Variants in PLEK observed in about 807,000 individuals in gnomAD.
PLEK encodes the protein pleckstrin.
A neutral mutation model predicts 43.9 loss-of-function variants in PLEK; 25 were observed. The observed-to-expected ratio is 0.57, with a 90% CI of 0.41 to 0.79. PLEK has a LOEUF of 0.79. Among genes scored for constraint, PLEK ranks in the 30% least tolerant of loss-of-function variants. The probability of loss-of-function intolerance (pLI) is 0.00; values close to 1 mark genes in which losing one functional copy is unlikely to be tolerated. For missense variants in PLEK, 396 were observed against 413.3 expected, an observed-to-expected ratio of 0.96 and a Z score of 0.36; for synonymous variants, 152 against 144.4, an observed-to-expected ratio of 1.05 and a Z score of -0.38.
intron 4 of PLEK, among the ~76,000 whole-genome samples, chr2:68,384,826 G>T (rs976673851): frequency 6.6e-6 from 1 of 152,182 alleles, no homozygotes; most frequent in Non-Finnish European, 1.5e-5. Context: ...GATTCCCTGA[G>T]CCTTAATTTT....
intron 1 of PLEK, among the ~76,000 whole-genome samples, chr2:68,371,779 A>G (rs138692552): frequency 1.4e-5 from 2 of 144,718 alleles, no homozygotes; most frequent in African/African-American, 2.5e-5. Context: ...TTCTCTGTAT[A>G]CAACCACAAC....
At chr2:68,380,242 A>G (rs1163833829) in intron 1 of PLEK, 86 bp from the exon 2 acceptor site, 1 of 1,113,022 alleles carries the variant, frequency 9.0e-7, no homozygotes, top group Non-Finnish European at 1.3e-6. Context: ...ACCAACTGTA[A>G]GTAAATATAG....
At chr2:68,367,879 TTC>T (rs1455124980) in intron 1 of PLEK, among the ~76,000 whole-genome samples, 1 of 152,208 alleles carries the variant, frequency 6.6e-6, no homozygotes, top group Non-Finnish European at 1.5e-5. Flanking sequence ...ATTCACCTTT[TTC>T]TCTTATGCAG....
intron 1 of PLEK, among the ~76,000 whole-genome samples, chr2:68,374,990 A>T (rs906698825): frequency 2.6e-5 from 4 of 152,214 alleles, no homozygotes; most frequent in Admixed American, 2.6e-4. Context: ...TAAAGGTGTC[A>T]TGAACATTCT....
chr2:68,377,012 G>C (rs1325371294), intron 1 of PLEK, among the ~76,000 whole-genome samples: 1 of 152,120 alleles, frequency 6.6e-6, no homozygotes, highest in Non-Finnish European at 1.5e-5. Context: ...AGATATGTGA[G>C]AACATGTGAT....
intron 1 of PLEK, among the ~76,000 whole-genome samples, chr2:68,375,053 G>A (rs965008417): frequency 6.6e-6 from 1 of 152,158 alleles, no homozygotes; most frequent in East Asian, 1.9e-4. Context: ...CTTTGCCCAG[G>A]AGTGAAATTG....
rs1438090867 is a variant in PLEK at position 68,388,432 on chromosome 2, G to A, written c.703G>A (p.Val235Met). 6.2e-7 allele frequency: 1 copy of A among 1,612,496 alleles called. No homozygotes were observed. Among genetic ancestry groups the A allele is most frequent in the Admixed American group, 1.7e-5 (1 of 60,024 alleles). ...FCEENSSDDD[V>M]ILKEEFRGVI... ...TGAAGAGAATTCCAGTGATGATGATGTGATTCTGAAAGAAGAATTCAGAGG... is the reference window on the plus strand; with the variant it reads ...TGAAGAGAATTCCAGTGATGATGATATGATTCTGAAAGAAGAATTCAGAGG... The change falls in exon 6 of 9, where the codon GTG becomes ATG. Residue 235 changes from valine (V) to methionine (M), a missense_variant. Coordinates refer to ENST00000234313, the MANE Select transcript of PLEK (RefSeq NM_002664.3).
At position 68,382,605 on chromosome 2, in the gene PLEK, CAAG is replaced by C. The variant is rs1380020048; in HGVS notation, c.449_451del (p.Lys150del). ...TAAAAGAACTGAATCTAGAGAAGGACAAGAAGATTTTTAATCACTGCTTCACAG... is the reference window on the plus strand; with the variant it reads ...TAAAAGAACTGAATCTAGAGAAGGACAAGATTTTTAATCACTGCTTCACAG... On this transcript the variant is annotated inframe_deletion, in exon 4 of 9. Transcript: ENST00000234313. 1.2e-6 allele frequency: 2 copies of C among 1,603,556 alleles called. No homozygotes were observed. The highest frequency in any genetic ancestry group is 8.5e-7 in the Non-Finnish European group (1 of 1,170,644).
chr2:68,366,095 T>G (rs1184364154), intron 1 of PLEK, among the ~76,000 whole-genome samples: 2 of 152,174 alleles, frequency 1.3e-5, no homozygotes, highest in Admixed American at 6.5e-5. Context: ...GTGTGTGCTG[T>G]GTGGTTGTGA....
intron 1 of PLEK, among the ~76,000 whole-genome samples, chr2:68,369,516 T>C (rs1438673848): frequency 2.7e-5 from 4 of 149,372 alleles, no homozygotes; most frequent in African/African-American, 9.9e-5. Flanking sequence ...GGAGTTTTGC[T>C]CTTGTTGCCC....
At chr2:68,386,021 T>C (rs1264553986) in intron 4 of PLEK, among the ~76,000 whole-genome samples, 1 of 152,228 alleles carries the variant, frequency 6.6e-6, no homozygotes, top group African/African-American at 2.4e-5. Context: ...ATTTCTTTGA[T>C]GCATGTGTTG....
At chr2:68,395,526 C>T (rs1373200) in intron 8 of PLEK, among the ~76,000 whole-genome samples, 154 bp from the exon 9 acceptor site, 67,457 of 151,874 alleles carry the variant, frequency 0.44, 15,413 homozygotes, top group Middle Eastern at 0.51. Flanking sequence ...AATGAATTAT[C>T]CTATAATCAT....
At chr2:68,365,417 G>A (rs1262838128) in intron 1 of PLEK, 24 bp downstream of exon 1, 1 of 1,594,542 alleles carries the variant, frequency 6.3e-7, no homozygotes, top group Non-Finnish European at 8.6e-7. Flanking sequence ...CCACTTACCA[G>A]GGTGTCAGTG....
At chr2:68,389,814 C>G (rs527707538) in intron 6 of PLEK, among the ~76,000 whole-genome samples, 2 of 152,100 alleles carry the variant, frequency 1.3e-5, no homozygotes, top group Non-Finnish European at 2.9e-5. Flanking sequence ...ACAGTTTGCC[C>G]GCTGCTGCTT....
chr2:68,396,964 C>T lies in PLEK; in HGVS notation c.*1148C>T, dbSNP rs1673973830. On this transcript the variant is annotated 3_prime_UTR_variant, in exon 9 of 9. Coordinates refer to ENST00000234313, the MANE Select transcript of PLEK (RefSeq NM_002664.3). ...ATTGCGTTCGTGCCTCAGCTTTAAG[C>T]ACAAGTAGCAGCAGCTCCTGCTTGA... 1 of 152,178 alleles carries T rather than the reference C, an allele frequency of 6.6e-6. No homozygotes were observed. The highest frequency in any genetic ancestry group is 1.5e-5 in the Non-Finnish European group (1 of 68,042). The allele number at this position is 152,178 out of a possible 1,614,324, so 9.4% of individuals were successfully genotyped here.
At chr2:68,382,495 G>C (rs762546011) in intron 3 of PLEK, 47 bp from the exon 4 acceptor site, 1 of 1,154,310 alleles carries the variant, frequency 8.7e-7, no homozygotes, top group East Asian at 2.4e-5. Context: ...CATCCAACTG[G>C]GTTTTTTTTT....
At chr2:68,374,960 T>C (rs1673475795) in intron 1 of PLEK, among the ~76,000 whole-genome samples, 1 of 152,208 alleles carries the variant, frequency 6.6e-6, no homozygotes, top group Non-Finnish European at 1.5e-5. Flanking sequence ...GGGTTAGTCT[T>C]TGTTTCTGGC....
intron 1 of PLEK, among the ~76,000 whole-genome samples, chr2:68,367,287 T>C (rs1308823729): frequency 6.6e-6 from 1 of 152,056 alleles, no homozygotes; most frequent in Non-Finnish European, 1.5e-5. Context: ...ACTTTAATTT[T>C]AGGTTCAGGA....
At chr2:68,394,863 C>A (rs1426000326) in intron 8 of PLEK, among the ~76,000 whole-genome samples, 2 of 152,100 alleles carry the variant, frequency 1.3e-5, no homozygotes, top group African/African-American at 4.8e-5. Context: ...ATCCCAAACC[C>A]TGGTTTTGTC....
Sources: allele counts gnomAD v4.1 joint callset (sites outside exome capture counted in the v4.1 genomes callset), GRCh38; gene constraint gnomAD v4.1.1; transcripts MANE v1.5; gene names NCBI Gene and HGNC (gene_info 2026-07-23, HGNC 2026-07-21).